The following JTB variants were observed in gnomAD, a reference collection of about 807,000 sequenced individuals.
The protein encoded by JTB is protein JTB.
In JTB, 10 loss-of-function variants were observed where a neutral mutation model predicts 22.1. That is an observed-to-expected ratio of 0.45 (90% CI 0.28 to 0.77). JTB has a LOEUF of 0.77. Ranked by LOEUF, JTB falls within the 30% of genes least tolerant of loss-of-function variation. The probability of loss-of-function intolerance (pLI) is 0.13; values close to 1 mark genes in which losing one functional copy is unlikely to be tolerated. For missense variants in JTB, 137 were observed against 180.3 expected, an observed-to-expected ratio of 0.76 and a Z score of 1.38; for synonymous variants, 83 against 66.8, an observed-to-expected ratio of 1.24 and a Z score of -1.18.
In JTB at chr1:153,975,841, C is replaced by T. The variant is rs1648777214; in HGVS notation, c.269G>A (p.Arg90Lys). The change falls in exon 4 of 5, where the codon AGA (arginine) becomes AAA (lysine). Residue 90 changes from arginine to lysine, a missense_variant. Physicochemically the swap from Arg to Lys is conservative, Grantham distance 26 (BLOSUM62 2). Coordinates refer to ENST00000271843, the MANE Select transcript of JTB (RefSeq NM_006694.4). The part of the protein sequence containing the change: ...VEKITCSSSK[R>K]NEFKSCRSAL... ...CAGCACTCACCTTTTGAACTCATTT[C>T]TCTTAGATGAGCTGCATGTGATTTT... is the stretch of plus-strand genomic sequence containing the variant. The T allele has an allele frequency of 6.2e-7, 1 of 1,613,842 alleles. No individual in the cohort carries two copies. The highest frequency in any genetic ancestry group is 1.7e-5 in the Admixed American group (1 of 60,000).
chr1:153,976,571 C>A, intron 3 of JTB, 122 bp downstream of exon 3: 1 of 805,948 alleles, frequency 1.2e-6, no homozygotes, highest in Non-Finnish European at 2.0e-6. Flanking sequence ...TACACTGAGA[C>A]TGCAAGAAGA....
rs1345062028 is a variant in JTB, at chr1:153,977,517, G to C, written c.-265C>G. 1.7e-6 allele frequency: 2 copies of C among 1,184,216 alleles called. No individual in the cohort carries two copies. The highest frequency in any genetic ancestry group is 4.5e-5 in the Admixed American group (1 of 22,432). 73.4% of individuals were successfully genotyped at this position (1,184,216 alleles called of 1,614,324 possible). The stretch of plus-strand genomic sequence containing the variant: ...AGGGCGCTGGAGGAAGGGCCGGCGG[G>C]GGCTCGCGGCCCTAGCGCCCGCTCA... On this transcript the variant is annotated 5_prime_UTR_variant, in exon 1 of 5. Coordinates refer to ENST00000271843, the MANE Select transcript of JTB (RefSeq NM_006694.4).
rs1263503695 is a variant in JTB at position 153,974,729 on chromosome 1, A to G, written c.391T>C (p.Leu131=). 8.7e-6 allele frequency: 14 copies of G among 1,613,908 alleles called. No homozygotes were observed. The East Asian group carries it at 8.9e-5, about 10-fold the overall frequency. ...ACLVIIRQRQ[L]DRKALEKVRK... is the part of the protein sequence containing the mutation. ...ACCTTTTCCAGAGCCTTTCTGTCCA[A>G]TTGTCGCTGACGAATGATGACAAGA... Residue 131 remains leucine, a synonymous_variant, in exon 5 of 5, where the codon TTG becomes CTG. Transcript: ENST00000271843.
chr1:153,975,709 G>T (rs1648770244), intron 4 of JTB, 117 bp downstream of exon 4: 3 of 803,702 alleles, frequency 3.7e-6, no homozygotes, highest in Non-Finnish European at 6.3e-6. Context: ...TGTGAGCCCG[G>T]CCCCCTCTTC....
At chr1:153,976,000 T>A in intron 3 of JTB, 95 bp from the exon 4 acceptor site, 1 of 792,516 alleles carries the variant, frequency 1.3e-6, no homozygotes, top group Admixed American at 2.1e-5. Context: ...CCAACTGCTA[T>A]GGTTTGGAGT....
At chr1:153,976,636 G>T in intron 3 of JTB, 57 bp downstream of exon 3, 2 of 1,377,600 alleles carry the variant, frequency 1.5e-6, no homozygotes, top group Non-Finnish European at 2.0e-6. Context: ...TTAAGATGTT[G>T]CTTAAGTGTT....
At chr1:153,975,016 G>A (rs941164517) in intron 4 of JTB, among the ~76,000 whole-genome samples, 181 bp from the exon 5 acceptor site, 1 of 152,212 alleles carries the variant, frequency 6.6e-6, no homozygotes, top group Non-Finnish European at 1.5e-5. Flanking sequence ...TGGATAAGCA[G>A]AGCTAGTATT....
chr1:153,976,840 T>C (rs1158207877), intron 2 of JTB, 65 bp from the exon 3 acceptor site: 1 of 1,600,204 alleles, frequency 6.2e-7, no homozygotes. Context: ...GCTCTGCCCA[T>C]CCAACTTCCC....
chr1:153,976,604 G>A (rs1648803171), intron 3 of JTB, 89 bp downstream of exon 3: 2 of 1,051,850 alleles, frequency 1.9e-6, no homozygotes, highest in African/African-American at 1.6e-5. Context: ...TGATGCAAAG[G>A]CAGCTTAATA....
intron 4 of JTB, among the ~76,000 whole-genome samples, chr1:153,975,266 G>A (rs1180175150): frequency 6.6e-6 from 1 of 150,898 alleles, no homozygotes; most frequent in African/African-American, 2.4e-5. Flanking sequence ...GATTACAGGT[G>A]CCCGCCATCA....
At position 153,976,766 on chromosome 1, in the gene JTB, G is replaced by C. The variant is rs1648807026; in HGVS notation, c.131C>G (p.Ser44Ter). The C allele has an allele frequency of 6.2e-7, 1 of 1,614,006 alleles. No individual in the cohort carries two copies. The highest frequency in any genetic ancestry group is 1.3e-5 in the African/African-American group (1 of 74,912). Residue 44 changes from serine (S) to a stop codon, truncating the protein, a stop_gained, in exon 3 of 5, where the codon TCA (serine) becomes TGA (stop). Transcript: ENST00000271843. LOFTEE classifies it high-confidence loss of function. ...VQEEKLSAST[S>*]NLPCWLVEEF... ...TTCCACCAGCCAGCATGGCAAATTT[G>C]AGGTGCTTGCTGAAAGGAAAGATAA...
In JTB at chr1:153,974,831, G is replaced by A. The variant is rs754921478; in HGVS notation, c.289C>T (p.Arg97Cys). The A allele has an allele frequency of 6.2e-6, 10 of 1,603,314 alleles. No homozygotes were observed. The highest frequency in any genetic ancestry group is 1.7e-5 in the Admixed American group (1 of 59,852). The change falls in exon 5 of 5, where the codon CGC becomes TGC. Residue 97 changes from arginine (R) to cysteine (C), a missense_variant. Transcript: ENST00000271843. Reference protein sequence around the residue: ...SSKRNEFKSCRSALMEQRLFW... With the variant: ...SSKRNEFKSCCSALMEQRLFW... Reference sequence around the variant, plus strand: ...AAGCGTTGTTCCATCAAAGCTGAGCGGCAGCTGAGGGCAGGAAGGAATAGT... The same window carrying A: ...AAGCGTTGTTCCATCAAAGCTGAGCAGCAGCTGAGGGCAGGAAGGAATAGT...
intron 3 of JTB, among the ~76,000 whole-genome samples, chr1:153,976,481 T>C (rs1648798952): frequency 6.6e-6 from 1 of 151,838 alleles, no homozygotes; most frequent in African/African-American, 2.4e-5. Context: ...AAAAAAACCA[T>C]AGTTATCAGT....
At chr1:153,977,072 C>G in intron 1 of JTB, 59 bp from the exon 2 acceptor site, 1 of 1,614,078 alleles carries the variant, frequency 6.2e-7, no homozygotes, top group Non-Finnish European at 8.5e-7. Flanking sequence ...GGCACCCCCT[C>G]CTGCGCTGTC....
rs746057733 is a variant in JTB at position 153,977,000 on chromosome 1, G to A, written c.97C>T (p.Pro33Ser). The A allele has an allele frequency of 1.2e-6, 2 of 1,614,168 alleles. No homozygotes were observed. Among genetic ancestry groups the A allele is most frequent in the East Asian group, 4.5e-5 (2 of 44,882 alleles). ...FTLKLCQAEA[P>S]VQEEKLSAST... Reference sequence around the variant, plus strand: ...CCTGACAGCTTCTCTTCCTGCACGGGAGCCTCTGCTTGGCTGTAGCGGAGT... The same window carrying A: ...CCTGACAGCTTCTCTTCCTGCACGGAAGCCTCTGCTTGGCTGTAGCGGAGT... The change falls in exon 2 of 5, where the codon CCC becomes TCC. Residue 33 changes from proline (P) to serine (S), a missense_variant. Transcript: ENST00000271843.
In JTB at chr1:153,977,272, C is replaced by G; in HGVS notation, c.-20G>C. ...AAGCATGGAGCGCCAAGTGTCGCAC[C>G]TGTCGGAACAGAGGGACCTACTCCA... On this transcript the variant is annotated 5_prime_UTR_variant, in exon 1 of 5. Transcript: ENST00000271843. 6.2e-7 allele frequency: 1 copy of G among 1,613,302 alleles called. No homozygotes were observed. The highest frequency in any genetic ancestry group is 8.5e-7 in the Non-Finnish European group (1 of 1,179,756).
chr1:153,974,891 A>C, intron 4 of JTB, 56 bp from the exon 5 acceptor site: 1 of 1,561,316 alleles, frequency 6.4e-7, no homozygotes, highest in Admixed American at 1.7e-5. Flanking sequence ...TTCTCCCTCT[A>C]ATTTCCCTTC....
Position 153,974,336 on chromosome 1 carries a change from G to A in JTB, c.*343C>T, listed in dbSNP as rs1648700488. The A allele has an allele frequency of 2.3e-6, 1 of 439,920 alleles. No individual in the cohort carries two copies. Among genetic ancestry groups the A allele is most frequent in the Non-Finnish European group, 4.1e-6 (1 of 246,806 alleles). The allele number at this position is 439,920 out of a possible 1,614,324, so 27.3% of individuals were successfully genotyped here. On this transcript the variant is annotated 3_prime_UTR_variant, in exon 5 of 5. Coordinates refer to ENST00000271843, the MANE Select transcript of JTB (RefSeq NM_006694.4). ...GGTTGAGGGGAAATAAGTTTTGAGT[G>A]AGAAATAAACGTTTTAGCTGAAATT... is the stretch of plus-strand genomic sequence containing the variant.
chr1:153,975,910 C>T lies in JTB; in HGVS notation c.205-5G>A. On this transcript the variant is annotated splice_region_variant and splice_polypyrimidine_tract_variant and intron_variant, in intron 3 of 4. Transcript: ENST00000271843. Reference sequence around the variant, plus strand: ...ACCACACTCAGGGGTAGTTTTCTGCCAGGAGAAAAGGAGCAAAGTACATGT... The same window carrying T: ...ACCACACTCAGGGGTAGTTTTCTGCTAGGAGAAAAGGAGCAAAGTACATGT... 6.2e-7 allele frequency: 1 copy of T among 1,611,788 alleles called. No individual in the cohort carries two copies. Among genetic ancestry groups the T allele is most frequent in the South Asian group, 1.1e-5 (1 of 90,992 alleles).
Sources: gnomAD v4.1 joint callset for allele counts (sites outside exome capture counted in the v4.1 genomes callset) on GRCh38, gnomAD v4.1.1 for gene constraint, MANE v1.5 for transcripts, NCBI Gene and HGNC (gene_info 2026-07-23, HGNC 2026-07-21) for gene names.